Variants in PIGG observed in about 807,000 individuals in gnomAD.
PIGG encodes the protein phosphatidylinositol glycan anchor biosynthesis class G (EMM blood group), also known as GPI ethanolamine phosphate transferase 2, catalytic subunit.
Under a neutral mutation model 83.2 loss-of-function variants are expected in PIGG, and 70 were observed. The ratio of observed to expected loss-of-function variants is 0.84; its 90% CI spans 0.69 to 1.03. The LOEUF (loss-of-function observed/expected upper bound fraction) is 1.03. Among genes scored for constraint, PIGG ranks in the 50% least tolerant of loss-of-function variants. The pLI, the probability that PIGG is intolerant of heterozygous loss-of-function variation, is 0.00. For synonymous variants in PIGG, 532 were observed against 519.5 expected (o/e 1.02, Z -0.33); for missense variants, 1,257 against 1,233.6 (o/e 1.02, Z -0.28).
rs752619664 is a variant in PIGG at position 539,528 on chromosome 4, T to C, written c.*159T>C. ...AGTTTAATAAAAGATCACTTTAATA[T>C]ACAGTTTGTATCATATTTTCCCCCA... On this transcript the variant is annotated 3_prime_UTR_variant, in exon 13 of 13. Coordinates refer to ENST00000453061, the MANE Select transcript of PIGG (RefSeq NM_001127178.3). The C allele has an allele frequency of 8.3e-6, 5 of 601,210 alleles. No homozygotes were observed. The highest frequency in any genetic ancestry group is 2.0e-5 in the South Asian group (1 of 49,096). 37.2% of individuals were successfully genotyped at this position (601,210 alleles called of 1,614,324 possible).
At chr4:516,950 C>T (rs1301125397) in intron 6 of PIGG, among the ~76,000 whole-genome samples, 3 of 151,748 alleles carry the variant, frequency 2.0e-5, no homozygotes, top group Admixed American at 2.0e-4. Flanking sequence ...GGCCGCTGGC[C>T]ATCTGGGAGG....
chr4:537,997 G>C (rs1445562628), intron 12 of PIGG, among the ~76,000 whole-genome samples: 21 of 150,828 alleles, frequency 1.4e-4, no homozygotes, highest in African/African-American at 4.6e-4. Context: ...GTGGGGCCCA[G>C]ACACACATAC....
chr4:525,764 C>G (rs1374881522), intron 9 of PIGG: 1 of 152,242 alleles, frequency 6.6e-6, no homozygotes, highest in Non-Finnish European at 1.5e-5. Flanking sequence ...CTTCTATCTG[C>G]CTGCTGTGTG....
In PIGG at chr4:528,500, C is replaced by T. The variant is rs1728264312; in HGVS notation, c.2261+1270C>T. 4 of 985,260 alleles carry T rather than the reference C, an allele frequency of 4.1e-6. No homozygotes were observed. Among genetic ancestry groups the T allele is most frequent in the South Asian group, 4.7e-5 (1 of 21,280 alleles). The allele number at this position is 985,260 out of a possible 1,614,324, so 61.0% of individuals were successfully genotyped here. On this transcript the variant is annotated intron_variant, in intron 10 of 12. Coordinates refer to ENST00000453061, the MANE Select transcript of PIGG (RefSeq NM_001127178.3). The surrounding 1 kb of genome is among the most constrained non-coding windows in gnomAD (Gnocchi z 4.8). ...GAGTAAGGGGTGGGAGTTAGGGTGA[C>T]CTGAGGCCTGGCTGAGGCAGTGAGA...
intron 3 of PIGG, among the ~76,000 whole-genome samples, chr4:506,313 G>T (rs1719668028): frequency 6.6e-6 from 1 of 152,226 alleles, no homozygotes; most frequent in Non-Finnish European, 1.5e-5. Context: ...TCCACAGCCT[G>T]TTGGTTCTGC....
Position 522,304 on chromosome 4 carries a change from C to T in PIGG, c.1614+363C>T, listed in dbSNP as rs1025565345. 26 of 502,854 alleles carry T rather than the reference C, an allele frequency of 5.2e-5. 1 individual carries two copies. The highest frequency in any genetic ancestry group is 2.7e-4 in the African/African-American group (14 of 52,408). 31.1% of individuals were successfully genotyped at this position (502,854 alleles called of 1,614,324 possible). A position where few individuals can be genotyped will look rare whatever the true frequency, so the allele number is the denominator to read the frequency against. ...CCTCCCAGCAGAGGTGTGGGAGCTG[C>T]AGCTGAGGGAAGAAGAGACAATCGG... On this transcript the variant is annotated intron_variant, in intron 8 of 12. Coordinates refer to ENST00000453061, the MANE Select transcript of PIGG (RefSeq NM_001127178.3).
intron 8 of PIGG, chr4:522,673 C>T (rs1245762239): frequency 6.4e-6 from 1 of 155,524 alleles, no homozygotes; most frequent in Non-Finnish European, 1.4e-5. Flanking sequence ...GACCGAGACA[C>T]TCACAGCTTT....
At chr4:504,543 T>A (rs1718923987) in intron 2 of PIGG, among the ~76,000 whole-genome samples, 1 of 152,256 alleles carries the variant, frequency 6.6e-6, no homozygotes, top group Non-Finnish European at 1.5e-5. Flanking sequence ...CCAGTTTTAT[T>A]ATTGCTCCTG....
intron 4 of PIGG, among the ~76,000 whole-genome samples, chr4:508,230 G>A (rs782561595): frequency 4.6e-5 from 7 of 152,238 alleles, no homozygotes; most frequent in Non-Finnish European, 1.0e-4. Context: ...GTTGAGAGAA[G>A]CCTTCCCTGA....
chr4:513,943 A>G (rs1723036799), intron 5 of PIGG, among the ~76,000 whole-genome samples: 1 of 152,222 alleles, frequency 6.6e-6, no homozygotes, highest in Non-Finnish European at 1.5e-5. Context: ...AGTGCAGAGA[A>G]GACATGGTGC....
chr4:508,218 G>A (rs1376039871), intron 4 of PIGG, among the ~76,000 whole-genome samples: 3 of 152,248 alleles, frequency 2.0e-5, no homozygotes, highest in Non-Finnish European at 2.9e-5. Flanking sequence ...TTTCAACAGC[G>A]TGTTGAGAGA....
At chr4:518,547 G>C (rs1724697246) in intron 6 of PIGG, among the ~76,000 whole-genome samples, 1 of 152,108 alleles carries the variant, frequency 6.6e-6, no homozygotes. Context: ...GAGCCGAGAT[G>C]GCGACACTGC....
chr4:524,004 T>A, intron 9 of PIGG, 91 bp downstream of exon 9: 1 of 815,502 alleles, frequency 1.2e-6, no homozygotes, highest in Admixed American at 3.0e-5. Flanking sequence ...GAGACCATTT[T>A]TCATATTAAG....
intron 11 of PIGG, chr4:531,079 T>C (rs1297332636): frequency 3.9e-6 from 1 of 258,616 alleles, no homozygotes; most frequent in Admixed American, 5.0e-5. Flanking sequence ...TTCATGCCCT[T>C]TGCCCCTGGT....
chr4:500,870 G>C (rs1717442498), intron 2 of PIGG, among the ~76,000 whole-genome samples: 1 of 152,178 alleles, frequency 6.6e-6, no homozygotes, highest in South Asian at 2.1e-4. Flanking sequence ...CCTACCCCAA[G>C]ATATGCCATT....
intron 8 of PIGG, 115 bp downstream of exon 8, chr4:522,056 G>A (rs560505928): frequency 7.5e-5 from 81 of 1,086,774 alleles, no homozygotes; most frequent in Non-Finnish European, 1.0e-4. Flanking sequence ...TGTGTGCCAC[G>A]TGCTGGCAGT....
chr4:531,362 G>GT (rs879914131), intron 11 of PIGG: 1 of 157,310 alleles, frequency 6.4e-6, no homozygotes, highest in Non-Finnish European at 1.4e-5. Context: ...CAGGAGAGCA[G>GT]GCACAGCCCT....
chr4:534,916 C>T (rs1221637185), intron 12 of PIGG, among the ~76,000 whole-genome samples: 1 of 151,910 alleles, frequency 6.6e-6, no homozygotes, highest in Non-Finnish European at 1.5e-5. Flanking sequence ...CGTCTCCTGG[C>T]GGTTTTGTGC....
At chr4:527,605 G>C in intron 10 of PIGG, 1 of 1,006,870 alleles carries the variant, frequency 9.9e-7, no homozygotes, top group South Asian at 4.4e-5. Flanking sequence ...TGTTTTCCTG[G>C]TCAGGGTGTA....
Sources: allele counts gnomAD v4.1 joint callset (sites outside exome capture counted in the v4.1 genomes callset), GRCh38; gene constraint gnomAD v4.1.1; non-coding constraint Gnocchi (gnomAD v3.1); transcripts MANE v1.5; gene names NCBI Gene and HGNC (gene_info 2026-07-23, HGNC 2026-07-21).